FRAS1: variants seen among roughly 807,000 people sequenced by gnomAD.
FRAS1 encodes Fraser extracellular matrix complex subunit 1.
FRAS1 carries 290 observed loss-of-function variants against 435.2 expected under a neutral mutation model. The observed-to-expected ratio is 0.67, with a 90% CI of 0.61 to 0.73. The LOEUF is 0.73. FRAS1 is among the 30% of genes least tolerant of loss of function. The pLI is 0.00. For synonymous variants in FRAS1, 1,800 were observed against 1,851.0 expected (o/e 0.97, Z 0.71); for missense variants, 4,860 against 5,001.5 (o/e 0.97, Z 0.85).
intron 70 of FRAS1, among the ~76,000 whole-genome samples, chr4:78,532,511 G>A (rs184628339): frequency 7.2e-5 from 11 of 152,212 alleles, no homozygotes; most frequent in African/African-American, 2.6e-4. Flanking sequence ...GCATTCACAC[G>A]TGTGTGTGTA....
chr4:78,441,200 T>A lies in FRAS1; in HGVS notation c.5568T>A (p.His1856Gln), dbSNP rs746537215. The A allele has an allele frequency of 2.5e-6, 4 of 1,612,752 alleles. No individual in the cohort carries two copies. The South Asian group carries it at 4.4e-5, about 18-fold the overall frequency. The part of the protein sequence containing the change: ...EGGRAPLSFH[H>Q]FFATDDDDNL... ...GGAGAGCACCACTCTCATTTCACCATTTTTTTGCTACTGATGATGATGACA... is the reference window on the plus strand; with the variant it reads ...GGAGAGCACCACTCTCATTTCACCAATTTTTTGCTACTGATGATGATGACA... The change falls in exon 41 of 74, where the codon CAT becomes CAA. Residue 1856 changes from histidine (H) to glutamine (Q), a missense_variant. Transcript: ENST00000512123.
At chr4:78,432,248 T>G in intron 37 of FRAS1, 109 bp from the exon 38 acceptor site, 1 of 1,093,144 alleles carries the variant, frequency 9.1e-7, no homozygotes, top group Non-Finnish European at 1.2e-6. Flanking sequence ...TGTAACTCCC[T>G]GAGTTATGAT....
chr4:78,163,152 T>C (rs887702679), intron 2 of FRAS1, among the ~76,000 whole-genome samples: 3 of 152,184 alleles, frequency 2.0e-5, no homozygotes, highest in African/African-American at 7.2e-5. Context: ...AGTAAAGACA[T>C]TGGTCTTTTA....
intron 4 of FRAS1, among the ~76,000 whole-genome samples, chr4:78,252,120 T>C (rs887684476): frequency 6.6e-6 from 1 of 152,212 alleles, no homozygotes; most frequent in African/African-American, 2.4e-5. Context: ...AGGTTATTTT[T>C]ATTTTCTTTT....
At chr4:78,318,134 G>A (rs1311623565) in intron 17 of FRAS1, among the ~76,000 whole-genome samples, 1 of 152,166 alleles carries the variant, frequency 6.6e-6, no homozygotes, top group Non-Finnish European at 1.5e-5. Context: ...ATAGTTACAA[G>A]AACAATGTAT....
chr4:78,504,919 G>A (rs1026754126), intron 61 of FRAS1, among the ~76,000 whole-genome samples: 1 of 152,116 alleles, frequency 6.6e-6, no homozygotes, highest in Non-Finnish European at 1.5e-5. Flanking sequence ...AGGCAGGCCT[G>A]GTGGTGACAA....
chr4:78,412,547 T>A (rs984315080), intron 31 of FRAS1, among the ~76,000 whole-genome samples: 2 of 152,238 alleles, frequency 1.3e-5, no homozygotes, highest in South Asian at 2.1e-4. Context: ...ATACTCATAA[T>A]AAGACATTAT....
intron 23 of FRAS1, among the ~76,000 whole-genome samples, chr4:78,371,091 G>GT (rs369342938): frequency 0.11 from 13,742 of 124,134 alleles, 788 homozygotes; most frequent in African/African-American, 0.15. Context: ...CTGTTTTTTT[G>GT]TTTTTTTTTT....
intron 2 of FRAS1, among the ~76,000 whole-genome samples, chr4:78,122,764 A>G (rs971855793): frequency 2.0e-5 from 3 of 152,204 alleles, no homozygotes; most frequent in Admixed American, 1.3e-4. Flanking sequence ...TGTTGGCTGC[A>G]TAAATATCTT....
rs574446046 is a variant in FRAS1 at position 78,220,983 on chromosome 4, C to T, written c.109-16527C>T. ...AGGCATTTGAGACCAGTCTGGGTGA[C>T]ATGGCAAAACCCTGTCTCTACAAAA... On this transcript the variant is annotated intron_variant, in intron 2 of 73. Coordinates refer to ENST00000512123, the MANE Select transcript of FRAS1 (RefSeq NM_025074.7). 7.2e-5 allele frequency among the ~76,000 whole-genome samples: 11 copies of T among 152,180 alleles called. 1 individual carries two copies. The South Asian group carries it at 1.5e-3, about 20-fold the overall frequency.
chr4:78,426,088 C>CA (rs905022040), intron 35 of FRAS1, among the ~76,000 whole-genome samples: 7 of 150,282 alleles, frequency 4.7e-5, no homozygotes, highest in Admixed American at 1.3e-4. Flanking sequence ...GACCCTGTCT[C>CA]AAAAAAAAAG....
chr4:78,066,317 T>C lies in FRAS1; in HGVS notation c.108+301T>C, dbSNP rs147366542. Among the ~76,000 whole-genome samples, 252 of 152,276 alleles carry C rather than the reference T, an allele frequency of 1.7e-3. 1 individual carries two copies. The highest frequency in any genetic ancestry group is 5.6e-3 in the African/African-American group (233 of 41,568). On this transcript the variant is annotated intron_variant, in intron 2 of 73. Coordinates refer to ENST00000512123, the MANE Select transcript of FRAS1 (RefSeq NM_025074.7). Reference sequence around the variant, plus strand: ...AGAGAGAAAATTAGATCCCATCCTTTTGTCAGATACAAACTGAAACACAAT... The same window carrying C: ...AGAGAGAAAATTAGATCCCATCCTTCTGTCAGATACAAACTGAAACACAAT...
rs886059630 is a variant in FRAS1, at chr4:78,315,637, G to C, written c.1722G>C (p.Arg574Ser). Reference protein sequence around the residue: ...SCDSCGPSSPRCLTCTEKTVL... With the variant: ...SCDSCGPSSPSCLTCTEKTVL... Reference sequence around the variant, plus strand: ...ACAGTTGTGGCCCCAGTAGCCCCAGGTGTCTTACCTGTACTGAGAAGACAG... The same window carrying C: ...ACAGTTGTGGCCCCAGTAGCCCCAGCTGTCTTACCTGTACTGAGAAGACAG... Residue 574 changes from arginine to serine, a missense_variant, in exon 16 of 74, where the codon AGG becomes AGC. By Grantham distance (110) the Arg-to-Ser change is moderately radical (BLOSUM62 -1). Transcript: ENST00000512123. 6.2e-7 allele frequency: 1 copy of C among 1,613,712 alleles called. No individual in the cohort carries two copies. Among genetic ancestry groups the C allele is most frequent in the Admixed American group, 1.7e-5 (1 of 59,990 alleles).
At chr4:78,361,419 C>T (rs1731066699) in intron 20 of FRAS1, among the ~76,000 whole-genome samples, 1 of 152,194 alleles carries the variant, frequency 6.6e-6, no homozygotes. Flanking sequence ...TAGCAAAAGG[C>T]TGCTTGTAAT....
At chr4:78,138,034 T>C (rs1719998857) in intron 2 of FRAS1, among the ~76,000 whole-genome samples, 1 of 152,206 alleles carries the variant, frequency 6.6e-6, no homozygotes, top group Admixed American at 6.5e-5. Flanking sequence ...ACTGGTTTAA[T>C]CTGAGATGCG....
chr4:78,165,989 T>C (rs1578162557), intron 2 of FRAS1, among the ~76,000 whole-genome samples: 1 of 152,212 alleles, frequency 6.6e-6, no homozygotes, highest in East Asian at 1.9e-4. Context: ...CATTGAAAGG[T>C]CATGGAAACA....
chr4:78,520,676 A>G (rs1721358778), intron 67 of FRAS1, among the ~76,000 whole-genome samples: 1 of 152,264 alleles, frequency 6.6e-6, no homozygotes, highest in South Asian at 2.1e-4. Context: ...TGTTTAGGAA[A>G]TAATGACAAA....
intron 2 of FRAS1, among the ~76,000 whole-genome samples, chr4:78,096,595 C>T (rs1016793318): frequency 6.6e-6 from 1 of 152,232 alleles, no homozygotes. Context: ...GAGTTCTGTG[C>T]ACCCGCAGGC....
intron 22 of FRAS1, among the ~76,000 whole-genome samples, chr4:78,365,517 G>A (rs185790350): frequency 6.6e-6 from 1 of 152,162 alleles, no homozygotes; most frequent in African/African-American, 2.4e-5. Context: ...ATGAAGTATA[G>A]GTGACAAAAA....
Sources: allele counts gnomAD v4.1 joint callset (sites outside exome capture counted in the v4.1 genomes callset), GRCh38; gene constraint gnomAD v4.1.1; transcripts MANE v1.5; gene names NCBI Gene and HGNC (gene_info 2026-07-23, HGNC 2026-07-21).